The following RORA variants were observed in gnomAD, a reference collection of about 807,000 sequenced individuals.
RORA encodes RAR related orphan receptor A.
Under a neutral mutation model 69.5 loss-of-function variants are expected in RORA, and 7 were observed. The ratio of observed to expected loss-of-function variants is 0.10; its 90% CI spans 0.06 to 0.19. The LOEUF (loss-of-function observed/expected upper bound fraction) is 0.19. Among genes scored for constraint, RORA ranks in the 10% least tolerant of loss-of-function variants. The probability of loss-of-function intolerance (pLI) is 1.00; values close to 1 mark genes in which losing one functional copy is unlikely to be tolerated. For synonymous variants in RORA, 261 were observed against 240.8 expected (o/e 1.08, Z -0.78); for missense variants, 457 against 663.0 (o/e 0.69, Z 3.41).
At chr15:61,222,850 C>G (rs966956743) in intron 1 of RORA, among the ~76,000 whole-genome samples, 2 of 152,082 alleles carry the variant, frequency 1.3e-5, no homozygotes, top group African/African-American at 4.8e-5. Flanking sequence ...CTAGAGTTTC[C>G]TAACTTTCAG....
intron 2 of RORA, among the ~76,000 whole-genome samples, chr15:60,629,828 C>A (rs567683372): frequency 6.6e-6 from 1 of 152,292 alleles, no homozygotes; most frequent in South Asian, 2.1e-4. Context: ...TTAGGAATAA[C>A]TGAGGTCAAG....
At chr15:60,523,094 T>G (rs958185006) in intron 3 of RORA, among the ~76,000 whole-genome samples, 7 of 151,580 alleles carry the variant, frequency 4.6e-5, no homozygotes, top group African/African-American at 1.5e-4. Context: ...AGATTAAACT[T>G]AACAGTACAT....
intron 1 of RORA, among the ~76,000 whole-genome samples, chr15:60,741,698 T>C (rs2071577589): frequency 6.6e-6 from 1 of 152,166 alleles, no homozygotes; most frequent in African/African-American, 2.4e-5. Context: ...CCGCACCTCA[T>C]TGGCCTAATG....
At position 60,905,395 on chromosome 15, in the gene RORA, T is replaced by C. The variant is rs1891509253; in HGVS notation, c.167-226709A>G. Among the ~76,000 whole-genome samples the C allele has an allele frequency of 6.6e-6, 1 of 152,226 alleles. No individual in the cohort carries two copies. Among genetic ancestry groups the C allele is most frequent in the Non-Finnish European group, 1.5e-5 (1 of 68,046 alleles). On this transcript the variant is annotated intron_variant, in intron 1 of 10. Coordinates refer to ENST00000335670, the MANE Select transcript of RORA (RefSeq NM_134261.3). The surrounding 1 kb of genome is among the most constrained non-coding windows in gnomAD (Gnocchi z 4.8). ...CAAAGACAGCTCATTAGATCAACTT[T>C]TTTTTCTGTGTATTTTTTTTTCTTT...
chr15:60,838,467 G>T (rs2073148462), intron 1 of RORA, among the ~76,000 whole-genome samples: 1 of 152,180 alleles, frequency 6.6e-6, no homozygotes, highest in Admixed American at 6.5e-5. Flanking sequence ...ACCGGGCCAT[G>T]GGGCCAGCCT....
At chr15:61,025,075 A>G (rs868736725) in intron 1 of RORA, among the ~76,000 whole-genome samples, 5 of 152,078 alleles carry the variant, frequency 3.3e-5, no homozygotes, top group Non-Finnish European at 5.9e-5. Flanking sequence ...CCCAGATCAC[A>G]TATCTAATGA....
intron 2 of RORA, among the ~76,000 whole-genome samples, chr15:60,575,185 T>C (rs1487381191): frequency 6.6e-6 from 1 of 152,166 alleles, no homozygotes; most frequent in Admixed American, 6.5e-5. Flanking sequence ...ACACAGACAG[T>C]ATTAAGTCTT....
intron 1 of RORA, among the ~76,000 whole-genome samples, chr15:61,175,019 C>A (rs1415004965): frequency 2.0e-5 from 3 of 152,166 alleles, no homozygotes; most frequent in Non-Finnish European, 4.4e-5. Flanking sequence ...TTTTAAATAA[C>A]AAGAGCCTCA....
At chr15:61,102,087 A>T (rs1322171267) in intron 1 of RORA, among the ~76,000 whole-genome samples, 1 of 152,144 alleles carries the variant, frequency 6.6e-6, no homozygotes. Context: ...CACAAGCTAC[A>T]CATACATTTC....
intron 1 of RORA, among the ~76,000 whole-genome samples, chr15:60,882,025 C>A (rs547482512): frequency 3.3e-5 from 5 of 152,308 alleles, no homozygotes; most frequent in Admixed American, 2.6e-4. Context: ...TTCCCGCGCA[C>A]GTGTTGCGGA....
At chr15:60,774,464 T>C (rs1037991100) in intron 1 of RORA, among the ~76,000 whole-genome samples, 1 of 152,166 alleles carries the variant, frequency 6.6e-6, no homozygotes, top group Non-Finnish European at 1.5e-5. Context: ...CAGACATCCC[T>C]TCCTAAGGAC....
At chr15:60,622,787 C>T (rs1007465066) in intron 2 of RORA, among the ~76,000 whole-genome samples, 10 of 152,248 alleles carry the variant, frequency 6.6e-5, no homozygotes, top group Non-Finnish European at 8.8e-5. Context: ...AAAATCTTGG[C>T]TCACGGCCAC....
At chr15:60,675,981 G>A (rs542086608) in intron 2 of RORA, among the ~76,000 whole-genome samples, 1 of 152,188 alleles carries the variant, frequency 6.6e-6, no homozygotes, top group African/African-American at 2.4e-5. Context: ...CTTGACTAAG[G>A]TTTCCAGAAC....
intron 1 of RORA, among the ~76,000 whole-genome samples, chr15:61,142,637 T>G (rs1468457669): frequency 2.0e-5 from 3 of 151,960 alleles, no homozygotes; most frequent in Non-Finnish European, 4.4e-5. Flanking sequence ...AATCCACCAG[T>G]GCAATAATAG....
intron 1 of RORA, among the ~76,000 whole-genome samples, chr15:60,890,252 T>C (rs1481480035): frequency 3.3e-5 from 5 of 152,256 alleles, no homozygotes; most frequent in Non-Finnish European, 7.3e-5. Flanking sequence ...GAGAGCTCAA[T>C]GAGTTTTCTC....
At chr15:60,580,059 C>CAA (rs57075893) in intron 2 of RORA, among the ~76,000 whole-genome samples, 15 of 143,982 alleles carry the variant, frequency 1.0e-4, no homozygotes, top group East Asian at 4.0e-4. Context: ...CAAAGGCAAG[C>CAA]AAAAAAAAAA....
At chr15:61,028,584 A>T (rs1313480483) in intron 1 of RORA, among the ~76,000 whole-genome samples, 1 of 152,212 alleles carries the variant, frequency 6.6e-6, no homozygotes, top group Non-Finnish European at 1.5e-5. Flanking sequence ...TCAAGCAAAC[A>T]AAAGTAGAAT....
At chr15:60,660,240 C>A (rs866776600) in intron 2 of RORA, among the ~76,000 whole-genome samples, 1 of 152,126 alleles carries the variant, frequency 6.6e-6, no homozygotes, top group Non-Finnish European at 1.5e-5. Context: ...TCAGCTTCAT[C>A]GCAATATTAT....
At chr15:60,503,961 C>T (rs1205403695) in intron 6 of RORA, among the ~76,000 whole-genome samples, 1 of 152,082 alleles carries the variant, frequency 6.6e-6, no homozygotes, top group Admixed American at 6.6e-5. Context: ...TGCCACCACA[C>T]CCAGCTAATT....
Sources: gnomAD v4.1 joint callset for allele counts (sites outside exome capture counted in the v4.1 genomes callset) on GRCh38, gnomAD v4.1.1 for gene constraint, Gnocchi (gnomAD v3.1) non-coding constraint, MANE v1.5 for transcripts, NCBI Gene and HGNC (gene_info 2026-07-23, HGNC 2026-07-21) for gene names.